PARD3B: variants seen among roughly 807,000 people sequenced by gnomAD.
PARD3B encodes the protein partitioning defective 3 homolog B.
In PARD3B, 103 loss-of-function variants were observed where a neutral mutation model predicts 130.2. The ratio of observed to expected loss-of-function variants is 0.79; its 90% CI spans 0.67 to 0.93. The LOEUF is 0.93. Ranked by LOEUF, PARD3B falls within the 40% of genes least tolerant of loss-of-function variation. The pLI, the probability that PARD3B is intolerant of heterozygous loss-of-function variation, is 0.00. For synonymous variants in PARD3B, 583 were observed against 553.2 expected (o/e 1.05, Z -0.76); for missense variants, 1,609 against 1,499.2 (o/e 1.07, Z -1.21).
intron 18 of PARD3B, among the ~76,000 whole-genome samples, chr2:205,379,348 C>T (rs1295363934): frequency 2.0e-5 from 3 of 152,032 alleles, no homozygotes; most frequent in Non-Finnish European, 4.4e-5. Flanking sequence ...GGATTGGCCT[C>T]CAGTGAACCT....
intron 2 of PARD3B, among the ~76,000 whole-genome samples, chr2:204,875,116 A>G (rs2045786251): frequency 6.6e-6 from 1 of 152,096 alleles, no homozygotes; most frequent in South Asian, 2.1e-4. Flanking sequence ...TAACTTACAT[A>G]CCAAGAAGTT....
At chr2:205,534,926 G>C (rs2051774454) in intron 21 of PARD3B, among the ~76,000 whole-genome samples, 1 of 152,222 alleles carries the variant, frequency 6.6e-6, no homozygotes, top group Non-Finnish European at 1.5e-5. Flanking sequence ...TTTCAGGAGA[G>C]ATGGCCAATT....
At chr2:204,577,546 T>G (rs1354735992) in intron 1 of PARD3B, among the ~76,000 whole-genome samples, 1 of 152,188 alleles carries the variant, frequency 6.6e-6, no homozygotes, top group Non-Finnish European at 1.5e-5. Flanking sequence ...ATTGCCCCGG[T>G]TTTTAAAGGG....
At chr2:205,318,538 CATTTTA>C (rs2042637831) in intron 18 of PARD3B, among the ~76,000 whole-genome samples, 1 of 152,282 alleles carries the variant, frequency 6.6e-6, no homozygotes, top group South Asian at 2.1e-4. Context: ...CCTACCTTTT[CATTTTA>C]ATTTTACTTT....
intron 2 of PARD3B, among the ~76,000 whole-genome samples, chr2:204,896,951 G>A (rs1260774222): frequency 6.6e-6 from 1 of 152,162 alleles, no homozygotes; most frequent in Admixed American, 6.6e-5. Flanking sequence ...GTAGTAAATT[G>A]CATCTGTACA....
chr2:205,424,159 T>C (rs1347237053), intron 19 of PARD3B, among the ~76,000 whole-genome samples: 1 of 152,146 alleles, frequency 6.6e-6, no homozygotes, highest in Non-Finnish European at 1.5e-5. Flanking sequence ...GTGAGTTGGA[T>C]AGGAGGGAAA....
At chr2:204,594,751 T>C (rs2033215265) in intron 1 of PARD3B, among the ~76,000 whole-genome samples, 1 of 152,170 alleles carries the variant, frequency 6.6e-6, no homozygotes, top group East Asian at 1.9e-4. Context: ...CTCTGAACTA[T>C]AAAAGTAATG....
At chr2:204,666,502 T>A (rs184503146) in intron 1 of PARD3B, among the ~76,000 whole-genome samples, 116 of 152,176 alleles carry the variant, frequency 7.6e-4, no homozygotes, top group African/African-American at 2.6e-3. Flanking sequence ...GAGAAACCAA[T>A]AGGTGGCTAT....
intron 22 of PARD3B, among the ~76,000 whole-genome samples, chr2:205,599,834 C>T (rs1016229170): frequency 6.6e-6 from 1 of 152,060 alleles, no homozygotes; most frequent in Non-Finnish European, 1.5e-5. Context: ...CTGGGCTGCC[C>T]GACTTACAGT....
chr2:205,420,465 C>T (rs943896437), intron 19 of PARD3B, among the ~76,000 whole-genome samples: 27 of 152,246 alleles, frequency 1.8e-4, no homozygotes, highest in African/African-American at 6.0e-4. Context: ...GTTTCCATCC[C>T]AGGCTGTCTG....
At chr2:204,930,594 C>A (rs1017150515) in intron 2 of PARD3B, among the ~76,000 whole-genome samples, 1 of 152,038 alleles carries the variant, frequency 6.6e-6, no homozygotes, top group East Asian at 1.9e-4. Context: ...TAACTTCAGA[C>A]CTGTTACTTA....
intron 3 of PARD3B, among the ~76,000 whole-genome samples, chr2:205,039,745 C>G (rs1698261515): frequency 6.6e-6 from 1 of 152,054 alleles, no homozygotes; most frequent in Non-Finnish European, 1.5e-5. Flanking sequence ...GTTGGGATTA[C>G]TGGCGTGAGC....
chr2:204,847,331 A>G (rs73068608), intron 2 of PARD3B, among the ~76,000 whole-genome samples: 16,926 of 152,134 alleles, frequency 0.11, 1,364 homozygotes, highest in African/African-American at 0.22. Flanking sequence ...GTGTATACAC[A>G]TGCAGAATTG....
At chr2:204,604,244 A>G (rs1287533105) in intron 1 of PARD3B, among the ~76,000 whole-genome samples, 8 of 152,118 alleles carry the variant, frequency 5.3e-5, no homozygotes. Flanking sequence ...TGAGAATTGG[A>G]CAGTGACCAT....
chr2:205,427,576 C>T (rs954808638), intron 19 of PARD3B, among the ~76,000 whole-genome samples: 1 of 151,968 alleles, frequency 6.6e-6, no homozygotes, highest in Non-Finnish European at 1.5e-5. Flanking sequence ...ACAAAGAAGG[C>T]ATCTAAATAT....
intron 2 of PARD3B, among the ~76,000 whole-genome samples, chr2:204,794,520 G>C (rs912585935): frequency 2.0e-5 from 3 of 152,032 alleles, no homozygotes; most frequent in African/African-American, 7.2e-5. Flanking sequence ...ACACTTTGAC[G>C]TGGACAATTC....
intron 2 of PARD3B, among the ~76,000 whole-genome samples, chr2:204,959,977 C>G (rs1374879681): frequency 6.6e-6 from 1 of 152,188 alleles, no homozygotes; most frequent in Non-Finnish European, 1.5e-5. Flanking sequence ...TTACCCAAAT[C>G]ATGAGATAAA....
chr2:205,514,904 C>T (rs533973652), intron 21 of PARD3B, among the ~76,000 whole-genome samples: 7 of 148,268 alleles, frequency 4.7e-5, no homozygotes, highest in Non-Finnish European at 7.4e-5. Context: ...ACTCATGTCA[C>T]GGGGGTTTGT....
chr2:205,067,017 A>T (rs1175026168), intron 4 of PARD3B, among the ~76,000 whole-genome samples: 6 of 149,306 alleles, frequency 4.0e-5, no homozygotes, highest in Non-Finnish European at 5.9e-5. Context: ...AGTAAGATGA[A>T]ATTATCTCAG....
Sources: allele counts gnomAD v4.1 joint callset (sites outside exome capture counted in the v4.1 genomes callset), GRCh38; gene constraint gnomAD v4.1.1; transcripts MANE v1.5; gene names NCBI Gene and HGNC (gene_info 2026-07-23, HGNC 2026-07-21).